NBAS: variants seen among roughly 807,000 people sequenced by gnomAD.
NBAS encodes the protein NAG/BC035112 fusion.
In NBAS, 219 loss-of-function variants were observed where a neutral mutation model predicts 302.5. The ratio of observed to expected loss-of-function variants is 0.72; its 90% CI spans 0.65 to 0.81. The LOEUF (loss-of-function observed/expected upper bound fraction) is 0.81. Ranked by LOEUF, NBAS falls within the 30% of genes least tolerant of loss-of-function variation. The pLI, the probability that NBAS is intolerant of heterozygous loss-of-function variation, is 0.00. For synonymous variants in NBAS, 1,118 were observed against 1,021.6 expected (o/e 1.09, Z -1.80); for missense variants, 2,932 against 2,841.6 (o/e 1.03, Z -0.72).
chr2:15,317,245 T>C (rs372404197), intron 38 of NBAS, among the ~76,000 whole-genome samples: 17 of 152,160 alleles, frequency 1.1e-4, no homozygotes, highest in African/African-American at 4.1e-4. Flanking sequence ...CATCTGTAGG[T>C]CACCAACATC....
chr2:14,940,946 C>T, the NBAS span, among the ~76,000 whole-genome samples: 1 of 152,244 alleles, frequency 6.6e-6, no homozygotes, highest in South Asian at 2.1e-4. Context: ...TTTTATCTTA[C>T]TGTCTAGGGC....
intron 28 of NBAS, among the ~76,000 whole-genome samples, chr2:15,392,404 T>C (rs1419664318): frequency 1.3e-5 from 2 of 151,710 alleles, no homozygotes; most frequent in Non-Finnish European, 2.9e-5. Context: ...CTATTAGAGC[T>C]AATAAGTAAG....
At chr2:15,286,349 T>A (rs1218462312) in intron 42 of NBAS, among the ~76,000 whole-genome samples, 2 of 152,188 alleles carry the variant, frequency 1.3e-5, no homozygotes, top group African/African-American at 4.8e-5. Flanking sequence ...CTGGTCATAT[T>A]ATGTCCTTGT....
At chr2:15,383,408 C>A (rs559206080) in intron 28 of NBAS, 91 bp from the exon 29 acceptor site, 3 of 1,022,858 alleles carry the variant, frequency 2.9e-6, no homozygotes, top group Non-Finnish European at 4.6e-6. Flanking sequence ...AAAACAAAAA[C>A]TGGTACCACC....
chr2:15,177,056 T>C (rs1215183716), intron 51 of NBAS, among the ~76,000 whole-genome samples: 1 of 152,192 alleles, frequency 6.6e-6, no homozygotes, highest in Admixed American at 6.5e-5. Flanking sequence ...TTCAGTCTCA[T>C]TACCGAATTT....
At chr2:15,371,445 C>G (rs1674481424) in intron 31 of NBAS, among the ~76,000 whole-genome samples, 1 of 152,114 alleles carries the variant, frequency 6.6e-6, no homozygotes, top group Non-Finnish European at 1.5e-5. Context: ...ATATTATTAC[C>G]TACCGCCATA....
At chr2:14,819,386 T>G in the NBAS span, among the ~76,000 whole-genome samples, 1 of 152,216 alleles carries the variant, frequency 6.6e-6, no homozygotes, top group Non-Finnish European at 1.5e-5. Flanking sequence ...CCTCCAATAA[T>G]TCTAGGATTT....
chr2:15,306,456 G>A (rs1348415402), intron 40 of NBAS, among the ~76,000 whole-genome samples: 1 of 152,132 alleles, frequency 6.6e-6, no homozygotes, highest in Non-Finnish European at 1.5e-5. Flanking sequence ...TGTTATGGAT[G>A]GTCTTTCCAC....
intron 51 of NBAS, among the ~76,000 whole-genome samples, chr2:15,172,844 G>A (rs952473530): frequency 6.6e-6 from 1 of 152,194 alleles, no homozygotes; most frequent in African/African-American, 2.4e-5. Context: ...AAGAAGACAG[G>A]CTTTTGGGTT....
the NBAS span, among the ~76,000 whole-genome samples, chr2:15,086,307 C>A: frequency 5.3e-5 from 8 of 152,118 alleles, no homozygotes; most frequent in Admixed American, 4.6e-4. Context: ...GCTGAACACT[C>A]GGGATACCCT....
intron 42 of NBAS, among the ~76,000 whole-genome samples, chr2:15,279,821 A>T (rs3828463): frequency 6.6e-6 from 1 of 151,986 alleles, no homozygotes; most frequent in South Asian, 2.1e-4. Context: ...TCATTTTAAT[A>T]GTTTCCATTC....
At chr2:15,036,578 C>CTCAAG in the NBAS span, among the ~76,000 whole-genome samples, 1 of 152,110 alleles carries the variant, frequency 6.6e-6, no homozygotes, top group Non-Finnish European at 1.5e-5. Context: ...GTACAAGGAG[C>CTCAAG]TACAGAAGGT....
At chr2:15,059,463 T>A in the NBAS span, among the ~76,000 whole-genome samples, 14 of 152,228 alleles carry the variant, frequency 9.2e-5, no homozygotes, top group South Asian at 2.7e-3. Flanking sequence ...CAACCCATAC[T>A]GGGGAAGATA....
At chr2:14,849,786 A>C in the NBAS span, among the ~76,000 whole-genome samples, 21 of 142,526 alleles carry the variant, frequency 1.5e-4, no homozygotes, top group Middle Eastern at 3.4e-3. Context: ...CAACATTCTT[A>C]AAGAAAAGAA....
chr2:15,320,481 T>C (rs534744379), intron 38 of NBAS, among the ~76,000 whole-genome samples: 2 of 152,288 alleles, frequency 1.3e-5, no homozygotes, highest in African/African-American at 4.8e-5. Flanking sequence ...GATGACATGA[T>C]CGTATATTTA....
chr2:14,818,421 T>C, the NBAS span, among the ~76,000 whole-genome samples: 166 of 152,320 alleles, frequency 1.1e-3, no homozygotes, highest in African/African-American at 3.9e-3. Context: ...GTTAACATTA[T>C]TCATCATGAA....
chr2:15,541,529 C>A (rs527536652), intron 6 of NBAS, among the ~76,000 whole-genome samples: 1 of 151,960 alleles, frequency 6.6e-6, no homozygotes, highest in African/African-American at 2.4e-5. Context: ...CAGGCATCAA[C>A]GATTTTCTTC....
chr2:14,790,073 C>A, the NBAS span, among the ~76,000 whole-genome samples: 1 of 152,146 alleles, frequency 6.6e-6, no homozygotes, highest in Non-Finnish European at 1.5e-5. Flanking sequence ...ACTGAAGAAA[C>A]CAAATTACAC....
At chr2:15,551,276 T>G (rs1160278102) in intron 6 of NBAS, among the ~76,000 whole-genome samples, 2 of 152,056 alleles carry the variant, frequency 1.3e-5, no homozygotes, top group Non-Finnish European at 2.9e-5. Context: ...GCTTAGACTT[T>G]TTTAGAACCC....
Sources: allele counts gnomAD v4.1 joint callset (sites outside exome capture counted in the v4.1 genomes callset), GRCh38; gene constraint gnomAD v4.1.1; transcripts MANE v1.5; gene names NCBI Gene and HGNC (gene_info 2026-07-23, HGNC 2026-07-21).